DGKB: variants seen among roughly 807,000 people sequenced by gnomAD.
DGKB encodes diacylglycerol kinase beta.
A neutral mutation model predicts 114.3 loss-of-function variants in DGKB; 67 were observed. That is an observed-to-expected ratio of 0.59 (90% CI 0.48 to 0.72). DGKB has a LOEUF of 0.72. Ranked by LOEUF, DGKB falls within the 30% of genes least tolerant of loss-of-function variation. DGKB has a pLI of 0.00. For missense variants in DGKB, 907 were observed against 975.2 expected, an observed-to-expected ratio of 0.93 and a Z score of 0.93; for synonymous variants, 398 against 323.1, an observed-to-expected ratio of 1.23 and a Z score of -2.49.
At chr7:14,545,488 T>A (rs571741561) in intron 20 of DGKB, among the ~76,000 whole-genome samples, 2 of 152,090 alleles carry the variant, frequency 1.3e-5, no homozygotes, top group East Asian at 3.9e-4. Context: ...TGAGAAAACA[T>A]CTCTCAAAAA....
intron 23 of DGKB, among the ~76,000 whole-genome samples, chr7:14,205,270 A>ATGTC (rs1405440912): frequency 1.3e-5 from 2 of 151,900 alleles, no homozygotes; most frequent in African/African-American, 4.8e-5. Flanking sequence ...TCAACTGATA[A>ATGTC]TGTCTTTCCA....
At chr7:14,278,231 G>C (rs1166113511) in intron 23 of DGKB, among the ~76,000 whole-genome samples, 1 of 148,424 alleles carries the variant, frequency 6.7e-6, no homozygotes, top group Non-Finnish European at 1.5e-5. Flanking sequence ...CACATGCCCT[G>C]AGTTAAAAAA....
intron 20 of DGKB, among the ~76,000 whole-genome samples, chr7:14,554,854 A>G (rs1236955413): frequency 6.6e-6 from 1 of 152,072 alleles, no homozygotes; most frequent in East Asian, 1.9e-4. Flanking sequence ...TATTTTTTAA[A>G]CTGGAATTCA....
At chr7:14,157,608 A>G (rs1034777713) in intron 25 of DGKB, among the ~76,000 whole-genome samples, 9 of 152,192 alleles carry the variant, frequency 5.9e-5, no homozygotes, top group Non-Finnish European at 1.3e-4. Context: ...ATTTGGCCAC[A>G]TTGCATGGGA....
At chr7:14,468,081 T>C (rs1272940849) in intron 21 of DGKB, among the ~76,000 whole-genome samples, 1 of 152,178 alleles carries the variant, frequency 6.6e-6, no homozygotes, top group Non-Finnish European at 1.5e-5. Context: ...AACACATCTA[T>C]ATATTAGAAA....
intron 15 of DGKB, among the ~76,000 whole-genome samples, chr7:14,615,876 A>G (rs1239856190): frequency 6.6e-6 from 1 of 151,744 alleles, no homozygotes; most frequent in African/African-American, 2.4e-5. Context: ...AATAAGAACT[A>G]TCTTTGCATT....
intron 21 of DGKB, among the ~76,000 whole-genome samples, chr7:14,389,319 T>C (rs1820947011): frequency 6.6e-6 from 1 of 152,152 alleles, no homozygotes; most frequent in African/African-American, 2.4e-5. Flanking sequence ...TGTTGTCCCA[T>C]CTAGGACCCT....
At chr7:14,575,003 T>C (rs1798918542) in intron 19 of DGKB, among the ~76,000 whole-genome samples, 1 of 152,150 alleles carries the variant, frequency 6.6e-6, no homozygotes, top group African/African-American at 2.4e-5. Flanking sequence ...CTTATGCCTG[T>C]AGTCTCAGCT....
chr7:14,634,499 C>CAT lies in DGKB; in HGVS notation c.1135-4232_1135-4231insAT, dbSNP rs776082253. 1.3e-3 allele frequency among the ~76,000 whole-genome samples: 192 copies of CAT among 149,902 alleles called. 1 individual carries two copies. The highest frequency in any genetic ancestry group is 2.3e-3 in the Non-Finnish European group (151 of 66,686). On this transcript the variant is annotated intron_variant, in intron 13 of 25. Coordinates refer to ENST00000402815, the MANE Select transcript of DGKB (RefSeq NM_001350709.2). Reference sequence around the variant, plus strand: ...AAAGTGATACACACACACACACACACACACACACACACACACACTTGTTTT... The same window carrying CAT: ...AAAGTGATACACACACACACACACACATACACACACACACACACACTTGTTTT...
intron 4 of DGKB, among the ~76,000 whole-genome samples, chr7:14,744,049 T>A (rs866517201): frequency 1.8e-4 from 27 of 152,174 alleles, no homozygotes; most frequent in Admixed American, 7.9e-4. Flanking sequence ...AATCTTTTTT[T>A]AAAACCTTTT....
chr7:14,392,590 ATG>A (rs1821484757), intron 21 of DGKB, among the ~76,000 whole-genome samples: 1 of 152,158 alleles, frequency 6.6e-6, no homozygotes, highest in South Asian at 2.1e-4. Flanking sequence ...CAATTTATTA[ATG>A]TGTGTCCCTG....
At chr7:14,380,964 A>C (rs1009553760) in intron 21 of DGKB, among the ~76,000 whole-genome samples, 3 of 152,232 alleles carry the variant, frequency 2.0e-5, no homozygotes, top group Admixed American at 6.5e-5. Context: ...ATTAAATCCA[A>C]GGAGTTCTTC....
rs149559250 is a variant in DGKB, at chr7:14,773,997, T to C, written c.71-16266A>G. On this transcript the variant is annotated intron_variant, in intron 2 of 25. Coordinates refer to ENST00000402815, the MANE Select transcript of DGKB (RefSeq NM_001350709.2). ...GCAAATGGACTTAAATTACTAGAAT[T>C]TGTGACAGCCAGCTGCCTTGGTTTT... 9.4e-4 allele frequency among the ~76,000 whole-genome samples: 143 copies of C among 152,262 alleles called. No homozygotes were observed. In the East Asian group the frequency reaches 0.02, roughly 22 times the overall value.
At chr7:14,163,071 C>G (rs1784135406) in intron 25 of DGKB, among the ~76,000 whole-genome samples, 1 of 151,962 alleles carries the variant, frequency 6.6e-6, no homozygotes, top group African/African-American at 2.4e-5. Context: ...ATAGAGCTGT[C>G]AAGCTCACGG....
chr7:14,342,278 A>G (rs946352404), intron 22 of DGKB, among the ~76,000 whole-genome samples: 2 of 151,828 alleles, frequency 1.3e-5, no homozygotes, highest in African/African-American at 4.8e-5. Flanking sequence ...CTGTCAACCA[A>G]AAGACTGAAA....
At chr7:14,639,744 T>C (rs1248870389) in intron 13 of DGKB, among the ~76,000 whole-genome samples, 2 of 152,224 alleles carry the variant, frequency 1.3e-5, no homozygotes, top group South Asian at 2.1e-4. Flanking sequence ...CCCTTCATTA[T>C]AGGTTGTTTT....
intron 1 of DGKB, among the ~76,000 whole-genome samples, chr7:14,877,246 A>T (rs1485530319): frequency 6.6e-6 from 1 of 152,122 alleles, no homozygotes; most frequent in Non-Finnish European, 1.5e-5. Context: ...TCTCATTCTT[A>T]CTTAAATATC....
chr7:14,607,628 A>T (rs1190773019), intron 16 of DGKB, 120 bp from the exon 17 acceptor site: 5 of 340,160 alleles, frequency 1.5e-5, no homozygotes, highest in African/African-American at 2.2e-5. Context: ...TTAATAAAAA[A>T]TTTCTATCAA....
chr7:14,375,090 G>T (rs1459530364), intron 21 of DGKB, among the ~76,000 whole-genome samples: 1 of 151,984 alleles, frequency 6.6e-6, no homozygotes, highest in Non-Finnish European at 1.5e-5. Context: ...AGCTACACAG[G>T]TGGTTTACAA....
Sources: gnomAD v4.1 joint callset for allele counts (sites outside exome capture counted in the v4.1 genomes callset) on GRCh38, gnomAD v4.1.1 for gene constraint, MANE v1.5 for transcripts, NCBI Gene and HGNC (gene_info 2026-07-23, HGNC 2026-07-21) for gene names.